HENMT1: variants seen among roughly 807,000 people sequenced by gnomAD.
The protein encoded by HENMT1 is HEN methyltransferase 1.
Under a neutral mutation model 31.1 loss-of-function variants are expected in HENMT1, and 27 were observed. The ratio of observed to expected loss-of-function variants is 0.87; its 90% CI spans 0.64 to 1.20. The LOEUF (loss-of-function observed/expected upper bound fraction) is 1.20, where lower values mean the gene tolerates loss of function less well. HENMT1 is among the 50% of genes most tolerant of loss of function. HENMT1 has a pLI of 0.00. For synonymous variants in HENMT1, 167 were observed against 172.2 expected (o/e 0.97, Z 0.24); for missense variants, 438 against 469.6 (o/e 0.93, Z 0.62).
Position 108,650,314 on chromosome 1 carries a change from T to C in HENMT1, c.653A>G (p.Glu218Gly), listed in dbSNP as rs753150751. 1.9e-6 allele frequency: 3 copies of C among 1,614,026 alleles called. No homozygotes were observed. Among genetic ancestry groups the C allele is most frequent in the African/African-American group, 2.7e-5 (2 of 74,928 alleles). ...TGVGEPPAGA[E>G]NVGYCTQIGI... ...TATCTGGGTACAGTATCCAACATTC[T>C]CAGCTCCAGCTGGTGGTTCCCCGAC... The change falls in exon 7 of 8, where the codon GAG becomes GGG. Residue 218 changes from glutamate to glycine, a missense_variant. Glu to Gly is a moderately conservative substitution (Grantham distance 98, BLOSUM62 -2). Transcript: ENST00000651461.
chr1:108,660,559 CTA>C (rs2101004927), intron 1 of HENMT1, among the ~76,000 whole-genome samples: 1 of 152,336 alleles, frequency 6.6e-6, no homozygotes, highest in Admixed American at 6.5e-5. Context: ...TTTTAGTTCT[CTA>C]TTGCACATGT....
intron 7 of HENMT1, 149 bp downstream of exon 7, chr1:108,650,062 A>G: frequency 1.3e-6 from 1 of 750,646 alleles, no homozygotes; most frequent in Non-Finnish European, 2.4e-6. Context: ...CTCGGACAGT[A>G]GTCATGGGGC....
chr1:108,650,501 A>G, intron 6 of HENMT1, 113 bp from the exon 7 acceptor site: 1 of 922,896 alleles, frequency 1.1e-6, no homozygotes, highest in Non-Finnish European at 1.6e-6. Flanking sequence ...ATGAACATAA[A>G]TACTTCTAAG....
At chr1:108,658,436 ACT>A (rs769190646) in intron 2 of HENMT1, among the ~76,000 whole-genome samples, 9 of 151,852 alleles carry the variant, frequency 5.9e-5, no homozygotes, top group Admixed American at 5.2e-4. Flanking sequence ...CCCAGCCAAC[ACT>A]CTTTTTAAGA....
At position 108,660,950 on chromosome 1, in the gene HENMT1, A is replaced by G; in HGVS notation, c.-79+13T>C. 1 of 982,916 alleles carries G rather than the reference A, an allele frequency of 1.0e-6. No individual in the cohort carries two copies. The highest frequency in any genetic ancestry group is 1.2e-6 in the Non-Finnish European group (1 of 827,864). 60.9% of individuals were successfully genotyped at this position (982,916 alleles called of 1,614,324 possible). On this transcript the variant is annotated intron_variant, in intron 1 of 7. Transcript: ENST00000651461. The stretch of plus-strand genomic sequence containing the variant: ...AAAAAAAAAAAAGAAAAAGAAAAAG[A>G]AACCCTGCTCACTGAAACCAACGCT...
At chr1:108,654,417 G>T (rs1658151247) in intron 5 of HENMT1, among the ~76,000 whole-genome samples, 2 of 152,168 alleles carry the variant, frequency 1.3e-5, no homozygotes, top group South Asian at 2.1e-4. Flanking sequence ...AAGGGAGATG[G>T]AGGAGGGGTG....
chr1:108,655,202 T>A (rs1293294775), intron 4 of HENMT1, among the ~76,000 whole-genome samples: 3 of 152,210 alleles, frequency 2.0e-5, no homozygotes, highest in African/African-American at 7.2e-5. Context: ...GTATATATAC[T>A]ATATATACAA....
chr1:108,651,224 G>A lies in HENMT1; in HGVS notation c.399-15C>T, dbSNP rs1189029507. The A allele has an allele frequency of 4.4e-6, 7 of 1,593,944 alleles. No individual in the cohort carries two copies. Among genetic ancestry groups the A allele is most frequent in the Admixed American group, 1.8e-5 (1 of 56,914 alleles). Reference sequence around the variant, plus strand: ...AATGTTCTATTCTAAAATGGTTAATGAGAAAGACATAATAAAATCTAGCTT... The same window carrying A: ...AATGTTCTATTCTAAAATGGTTAATAAGAAAGACATAATAAAATCTAGCTT... On this transcript the variant is annotated splice_polypyrimidine_tract_variant and intron_variant, in intron 5 of 7. Coordinates refer to ENST00000651461, the MANE Select transcript of HENMT1 (RefSeq NM_001102592.2).
Position 108,654,804 on chromosome 1 carries a change from G to C in HENMT1, c.310C>G (p.Leu104Val), listed in dbSNP as rs1658167562. 6.2e-7 allele frequency: 1 copy of C among 1,614,028 alleles called. No individual in the cohort carries two copies. Among genetic ancestry groups the C allele is most frequent in the Non-Finnish European group, 8.5e-7 (1 of 1,179,914 alleles). The part of the protein sequence containing the change: ...FLGDFLKPRD[L>V]NLTITLYHGS... The stretch of plus-strand genomic sequence containing the variant: ...TGATACAATGTGATGGTCAAATTCA[G>C]ATCCCGAGGTTTCAGAAAATCCCCC... Residue 104 changes from leucine (L) to valine (V), a missense_variant, in exon 5 of 8, where the codon CTG becomes GTG. Leu to Val is a conservative substitution (Grantham distance 32). Transcript: ENST00000651461.
rs11540221 is a variant in HENMT1, at chr1:108,657,500, T to C, written c.101A>G (p.Gln34Arg). Residue 34 changes from glutamine (Q) to arginine (R), a missense_variant, in exon 3 of 8, where the codon CAG (glutamine) becomes CGG (arginine). Transcript: ENST00000651461. Reference sequence around the variant, plus strand: ...TAAATTTTTAACGAACTGGTACCGCTGTCTGTATAGTGGAGGTTTAAACTG... The same window carrying C: ...TAAATTTTTAACGAACTGGTACCGCCGTCTGTATAGTGGAGGTTTAAACTG... ...AIQFKPPLYR[Q>R]RYQFVKNLVD... 1 of 1,610,958 alleles carries C rather than the reference T, an allele frequency of 6.2e-7. No homozygotes were observed. Among genetic ancestry groups the C allele is most frequent in the East Asian group, 2.2e-5 (1 of 44,854 alleles).
Position 108,651,221 on chromosome 1 carries a change from A to C in HENMT1, c.399-12T>G. 1 of 1,599,878 alleles carries C rather than the reference A, an allele frequency of 6.3e-7. No homozygotes were observed. The highest frequency in any genetic ancestry group is 8.5e-7 in the Non-Finnish European group (1 of 1,172,126). On this transcript the variant is annotated splice_polypyrimidine_tract_variant and intron_variant, in intron 5 of 7. Coordinates refer to ENST00000651461, the MANE Select transcript of HENMT1 (RefSeq NM_001102592.2). ...CCAAATGTTCTATTCTAAAATGGTTAATGAGAAAGACATAATAAAATCTAG... is the reference window on the plus strand; with the variant it reads ...CCAAATGTTCTATTCTAAAATGGTTCATGAGAAAGACATAATAAAATCTAG...
At position 108,657,585 on chromosome 1, in the gene HENMT1, G is replaced by A; in HGVS notation, c.22-6C>T. The A allele has an allele frequency of 6.2e-7, 1 of 1,602,846 alleles. No individual in the cohort carries two copies. The highest frequency in any genetic ancestry group is 1.1e-5 in the South Asian group (1 of 89,904). On this transcript the variant is annotated splice_region_variant and splice_polypyrimidine_tract_variant and intron_variant, in intron 2 of 7. Transcript: ENST00000651461. ...CCGTCAACCACACTACTGCACTGAA[G>A]TTCACAAACAAAAAAAGACAGGTTC...
Position 108,659,869 on chromosome 1 carries a change from G to A in HENMT1, c.16C>T (p.Leu6=). The change falls in exon 2 of 8, where the codon CTA becomes TTA. Residue 6 remains leucine, a synonymous_variant. Coordinates refer to ENST00000651461, the MANE Select transcript of HENMT1 (RefSeq NM_001102592.2). ...GCTAAGAAGGGTGGCATTACCTGTA[G>A]ATTATTTTCTTCCATTTTGTTTCGA... MEENN[L]QCSSVVDGNF... is the part of the protein sequence containing the mutation. 6.3e-7 allele frequency: 1 copy of A among 1,575,780 alleles called. No homozygotes were observed. Among genetic ancestry groups the A allele is most frequent in the Non-Finnish European group, 8.7e-7 (1 of 1,151,978 alleles).
intron 3 of HENMT1, 39 bp from the exon 4 acceptor site, chr1:108,655,737 A>G (rs1362973577): frequency 2.1e-5 from 30 of 1,420,472 alleles, no homozygotes; most frequent in Non-Finnish European, 2.9e-5. Flanking sequence ...AGACATTTAT[A>G]GCAAGAGAAG....
upstream of HENMT1, chr1:108,661,311 G>C (rs575244724): frequency 6.6e-6 from 1 of 152,408 alleles, no homozygotes; most frequent in South Asian, 2.1e-4. Flanking sequence ...CGCATGCCCA[G>C]AAGCCATTTT....
intron 2 of HENMT1, among the ~76,000 whole-genome samples, chr1:108,658,132 TA>T (rs779301940): frequency 0.032 from 4,508 of 141,708 alleles, 111 homozygotes; most frequent in Middle Eastern, 0.07. Flanking sequence ...TATATATATA[TA>T]TTTTTTTTTT....
chr1:108,648,840 T>A lies in HENMT1; in HGVS notation c.908A>T (p.Asp303Val). Residue 303 changes from aspartate (D) to valine (V), a missense_variant, in exon 8 of 8, where the codon GAC becomes GTC. Physicochemically the swap from Asp to Val is radical, Grantham distance 152. Coordinates refer to ENST00000651461, the MANE Select transcript of HENMT1 (RefSeq NM_001102592.2). ...GACAGGGGCCTTTGAGCCACCAATG[T>A]CTTTGGGCTTATCACCCCGTTCCCC... ...QAGERGDKPK[D>V]IGGSKAPVPC... 2 of 1,614,202 alleles carry A rather than the reference T, an allele frequency of 1.2e-6. No individual in the cohort carries two copies. The highest frequency in any genetic ancestry group is 1.7e-6 in the Non-Finnish European group (2 of 1,180,036).
intron 3 of HENMT1, among the ~76,000 whole-genome samples, chr1:108,657,205 C>T (rs894456486): frequency 1.3e-5 from 2 of 152,136 alleles, no homozygotes; most frequent in Non-Finnish European, 2.9e-5. Flanking sequence ...GCTCCCCATT[C>T]CACTGTCCTT....
chr1:108,661,454 C>G (rs1406662183), upstream of HENMT1: 1 of 152,354 alleles, frequency 6.6e-6, no homozygotes, highest in African/African-American at 2.4e-5. Flanking sequence ...CGTCCGCAGA[C>G]CGCGAGCCGG....
Sources: allele counts gnomAD v4.1 joint callset (sites outside exome capture counted in the v4.1 genomes callset), GRCh38; gene constraint gnomAD v4.1.1; transcripts MANE v1.5; gene names NCBI Gene and HGNC (gene_info 2026-07-23, HGNC 2026-07-21).